ZC3H11A: variants seen among roughly 807,000 people sequenced by gnomAD.
ZC3H11A encodes the protein zinc finger CCCH-type containing 11A.
Under a neutral mutation model 90.8 loss-of-function variants are expected in ZC3H11A, and 22 were observed. The ratio of observed to expected loss-of-function variants is 0.24; its 90% CI spans 0.17 to 0.35. The LOEUF (loss-of-function observed/expected upper bound fraction) is 0.35, where lower values mean the gene tolerates loss of function less well. Ranked by LOEUF, ZC3H11A falls within the 10% of genes least tolerant of loss-of-function variation. The pLI is 1.00. For synonymous variants in ZC3H11A, 294 were observed against 339.8 expected (o/e 0.87, Z 1.48); for missense variants, 701 against 964.9 (o/e 0.73, Z 3.62).
At chr1:203,821,656 T>G (rs1431156036) in intron 4 of ZC3H11A, among the ~76,000 whole-genome samples, 1 of 152,210 alleles carries the variant, frequency 6.6e-6, no homozygotes, top group Non-Finnish European at 1.5e-5. Context: ...AGATTTGGGC[T>G]GCTCCTAGAG....
chr1:203,825,619 A>G (rs1028849487), intron 4 of ZC3H11A, among the ~76,000 whole-genome samples: 8 of 152,008 alleles, frequency 5.3e-5, no homozygotes, highest in African/African-American at 1.9e-4. Flanking sequence ...ATTTTTTAGT[A>G]GAGACGGGGT....
rs1670729470 is a variant in ZC3H11A, at chr1:203,802,205, A to G, written c.-957A>G. ...AAACACTCCCTGATGACGATGATGG[A>G]TATATATACATACATCCATATTATA... On this transcript the variant is annotated 5_prime_UTR_variant, in exon 2 of 18. Transcript: ENST00000367210. 6.6e-6 allele frequency: 1 copy of G among 152,606 alleles called. No homozygotes were observed. Among genetic ancestry groups the G allele is most frequent in the African/African-American group, 2.4e-5 (1 of 41,442 alleles). The allele number at this position is 152,606 out of a possible 1,614,324, so 9.5% of individuals were successfully genotyped here.
At chr1:203,820,710 C>T (rs1678334449) in intron 4 of ZC3H11A, among the ~76,000 whole-genome samples, 2 of 151,948 alleles carry the variant, frequency 1.3e-5, no homozygotes, top group African/African-American at 4.8e-5. Context: ...GAATTGTTGG[C>T]CTCAAGTTAT....
intron 4 of ZC3H11A, among the ~76,000 whole-genome samples, chr1:203,826,738 A>T (rs1420335367): frequency 6.6e-6 from 1 of 152,168 alleles, no homozygotes; most frequent in Non-Finnish European, 1.5e-5. Context: ...GTTTATGATG[A>T]TTAGAGATTC....
intron 11 of ZC3H11A, 38 bp from the exon 12 acceptor site, chr1:203,840,268 G>A (rs1238900056): frequency 6.3e-7 from 1 of 1,598,822 alleles, no homozygotes; most frequent in Admixed American, 1.7e-5. Context: ...AAAAGTTTCT[G>A]TTCAACTTTT....
intron 13 of ZC3H11A, among the ~76,000 whole-genome samples, chr1:203,848,018 G>A (rs767121924): frequency 1.1e-4 from 16 of 151,972 alleles, no homozygotes; most frequent in Non-Finnish European, 2.2e-4. Context: ...ACCACACCCC[G>A]CTAATTTTTG....
chr1:203,804,300 C>T (rs1006232092), intron 2 of ZC3H11A, among the ~76,000 whole-genome samples: 2 of 151,752 alleles, frequency 1.3e-5, no homozygotes, highest in African/African-American at 2.4e-5. Context: ...TACAGGCACC[C>T]GCCACCTCGC....
At chr1:203,836,269 C>G (rs1684291501) in intron 10 of ZC3H11A, among the ~76,000 whole-genome samples, 1 of 152,126 alleles carries the variant, frequency 6.6e-6, no homozygotes, top group South Asian at 2.1e-4. Flanking sequence ...GTTTTAACAT[C>G]AGCATACCTG....
chr1:203,828,213 T>A (rs1681191539), intron 4 of ZC3H11A, 86 bp from the exon 5 acceptor site: 3 of 1,534,944 alleles, frequency 2.0e-6, no homozygotes, highest in Non-Finnish European at 2.7e-6. Flanking sequence ...TTGAACCCTG[T>A]ATGAACTTTG....
intron 8 of ZC3H11A, among the ~76,000 whole-genome samples, chr1:203,830,761 A>T (rs1474175595): frequency 6.6e-6 from 1 of 151,864 alleles, no homozygotes; most frequent in Admixed American, 6.6e-5. Flanking sequence ...GTGAGCTGAG[A>T]TCGCACCATT....
At chr1:203,805,305 G>A (rs1244252612) in intron 2 of ZC3H11A, among the ~76,000 whole-genome samples, 1 of 151,650 alleles carries the variant, frequency 6.6e-6, no homozygotes, top group Non-Finnish European at 1.5e-5. Context: ...CTAATTTTTT[G>A]TATTTTTAGT....
At chr1:203,848,503 A>G (rs1688480764) in intron 14 of ZC3H11A, 96 bp downstream of exon 14, 3 of 843,796 alleles carry the variant, frequency 3.6e-6, no homozygotes, top group African/African-American at 3.5e-5. Flanking sequence ...TACTTCATTC[A>G]TATATTAGGT....
At chr1:203,800,059 C>T in intron 1 of ZC3H11A, 1 of 1,536,062 alleles carries the variant, frequency 6.5e-7, no homozygotes, top group South Asian at 1.2e-5. Context: ...GTTGATAGCT[C>T]AGCTGTAGAC....
chr1:203,851,271 G>A (rs1011724888), intron 17 of ZC3H11A, 147 bp downstream of exon 17: 4 of 738,650 alleles, frequency 5.4e-6, no homozygotes, highest in African/African-American at 3.6e-5. Flanking sequence ...TGAAAATCTA[G>A]GGTTGCTGTT....
intron 17 of ZC3H11A, among the ~76,000 whole-genome samples, chr1:203,851,446 C>T (rs1689236465): frequency 6.6e-6 from 1 of 152,216 alleles, no homozygotes; most frequent in Non-Finnish European, 1.5e-5. Context: ...TCTCCTGCCT[C>T]AGCTTCCCAA....
At position 203,836,188 on chromosome 1, in the gene ZC3H11A, G is replaced by A. The variant is rs1345962799; in HGVS notation, c.875-1778G>A. 3.3e-5 allele frequency among the ~76,000 whole-genome samples: 5 copies of A among 152,192 alleles called. No homozygotes were observed. In the East Asian group the frequency reaches 7.7e-4, roughly 23 times the overall value. ...CCTTGAGTCCAGGAGTTTGAGTCCA[G>A]TCTGGGCAACATAGCAAGACCCTGT... On this transcript the variant is annotated intron_variant, in intron 10 of 17. Transcript: ENST00000367210.
intron 1 of ZC3H11A, chr1:203,800,462 A>G (rs1670221847): frequency 6.8e-7 from 1 of 1,480,500 alleles, no homozygotes. Context: ...TACTGCCTTA[A>G]TTTCTTTTTC....
At chr1:203,848,614 G>A (rs150871406) in intron 14 of ZC3H11A, among the ~76,000 whole-genome samples, 94 of 152,232 alleles carry the variant, frequency 6.2e-4, no homozygotes, top group Middle Eastern at 3.4e-3. Context: ...TTTGCCGGGC[G>A]CGGTGGCTCA....
At chr1:203,836,552 G>A (rs546759160) in intron 10 of ZC3H11A, among the ~76,000 whole-genome samples, 39 of 152,178 alleles carry the variant, frequency 2.6e-4, no homozygotes, top group Non-Finnish European at 4.9e-4. Context: ...GTTCGAGACC[G>A]GCCTGATCAA....
Sources: allele counts gnomAD v4.1 joint callset (sites outside exome capture counted in the v4.1 genomes callset), GRCh38; gene constraint gnomAD v4.1.1; transcripts MANE v1.5; gene names NCBI Gene and HGNC (gene_info 2026-07-23, HGNC 2026-07-21).